Variants in EGFR observed in about 807,000 individuals in gnomAD.
EGFR encodes the protein epidermal growth factor receptor.
EGFR carries 58 observed loss-of-function variants against 143.0 expected under a neutral mutation model. The ratio of observed to expected loss-of-function variants is 0.41; its 90% CI spans 0.33 to 0.50. The LOEUF (loss-of-function observed/expected upper bound fraction) is 0.50, where lower values mean the gene tolerates loss of function less well. Among genes scored for constraint, EGFR ranks in the 20% least tolerant of loss-of-function variants. The pLI is 0.39. For synonymous variants in EGFR, 613 were observed against 594.4 expected, an observed-to-expected ratio of 1.03 and a Z score of -0.45; for missense variants, 1,307 against 1,579.0, an observed-to-expected ratio of 0.83 and a Z score of 2.92.
chr7:55,151,673 A>G (rs1212565586), intron 5 of EGFR, among the ~76,000 whole-genome samples: 3 of 152,278 alleles, frequency 2.0e-5, no homozygotes, highest in Admixed American at 6.5e-5. Context: ...CAGGAGATCG[A>G]GCCATTCTGG....
intron 22 of EGFR, among the ~76,000 whole-genome samples, chr7:55,196,450 A>T (rs915890866): frequency 3.9e-5 from 6 of 152,056 alleles, no homozygotes; most frequent in African/African-American, 1.2e-4. Flanking sequence ...GCTTGCAAAA[A>T]TGTTCACCCA....
intron 17 of EGFR, among the ~76,000 whole-genome samples, chr7:55,173,590 G>A (rs565887160): frequency 6.6e-6 from 1 of 152,350 alleles, no homozygotes; most frequent in South Asian, 2.1e-4. Flanking sequence ...CGTGTGATGT[G>A]CCCCAACCAA....
At chr7:55,101,927 T>C (rs925952401) in intron 1 of EGFR, among the ~76,000 whole-genome samples, 2 of 152,196 alleles carry the variant, frequency 1.3e-5, no homozygotes, top group African/African-American at 4.8e-5. Flanking sequence ...CCCAGAAGCC[T>C]TGGATCACGT....
chr7:55,103,259 G>T (rs1274577115), intron 1 of EGFR, among the ~76,000 whole-genome samples: 5 of 152,204 alleles, frequency 3.3e-5, no homozygotes, highest in Non-Finnish European at 5.9e-5. Flanking sequence ...AAGCCCTTCA[G>T]TGTGTGTCCT....
intron 1 of EGFR, among the ~76,000 whole-genome samples, chr7:55,035,227 C>T (rs555012978): frequency 7.2e-5 from 11 of 152,214 alleles, no homozygotes; most frequent in Admixed American, 3.3e-4. Flanking sequence ...GTTGTACATT[C>T]CCTAGGTAAT....
intron 1 of EGFR, among the ~76,000 whole-genome samples, chr7:55,054,368 T>C (rs1263588977): frequency 6.6e-6 from 1 of 152,190 alleles, no homozygotes; most frequent in Non-Finnish European, 1.5e-5. Flanking sequence ...CTGGAAAACA[T>C]CACTTGAAGC....
chr7:55,167,110 ATGGTGTCAG>A (rs1267530547), intron 15 of EGFR, among the ~76,000 whole-genome samples: 7 of 133,730 alleles, frequency 5.2e-5, no homozygotes, highest in African/African-American at 2.1e-4. Context: ...GGGAGTCACA[ATGGTGTCAG>A]TGTTGATGGT....
At chr7:55,185,577 C>A (rs1395312999) in intron 20 of EGFR, among the ~76,000 whole-genome samples, 1 of 152,262 alleles carries the variant, frequency 6.6e-6, no homozygotes, top group Non-Finnish European at 1.5e-5. Flanking sequence ...CAACTCATCT[C>A]ACATTCTTCC....
intron 22 of EGFR, among the ~76,000 whole-genome samples, chr7:55,193,321 G>A (rs1469731151): frequency 1.3e-5 from 2 of 152,196 alleles, no homozygotes; most frequent in Non-Finnish European, 2.9e-5. Flanking sequence ...GATAAAAGAA[G>A]AAAGGGAGAT....
chr7:55,022,611 G>A (rs1428113325), intron 1 of EGFR, among the ~76,000 whole-genome samples: 1 of 152,200 alleles, frequency 6.6e-6, no homozygotes, highest in African/African-American at 2.4e-5. Flanking sequence ...AGGTTGAAGG[G>A]GGGGTGAGTT....
chr7:55,131,351 CT>C (rs140062028), intron 1 of EGFR, among the ~76,000 whole-genome samples: 4,416 of 151,268 alleles, frequency 0.029, 87 homozygotes, highest in Middle Eastern at 0.055. Context: ...CTGCATCGTT[CT>C]GCTGACAACA....
intron 7 of EGFR, 134 bp downstream of exon 7, chr7:55,154,286 T>C (rs1025893341): frequency 7.2e-7 from 1 of 1,395,452 alleles, no homozygotes; most frequent in Non-Finnish European, 9.9e-7. Flanking sequence ...GAGGCGACCC[T>C]GTGCCCGTCC....
At chr7:55,061,649 T>TGTGTGTGAGAGAGA (rs1432070752) in intron 1 of EGFR, among the ~76,000 whole-genome samples, 117 of 132,808 alleles carry the variant, frequency 8.8e-4, no homozygotes, top group African/African-American at 1.8e-3. Context: ...TGTGTGTGTG[T>TGTGTGTGAGAGAGA]GAGAGAGAGA....
At chr7:55,036,277 G>T (rs897045124) in intron 1 of EGFR, among the ~76,000 whole-genome samples, 9 of 93,714 alleles carry the variant, frequency 9.6e-5, no homozygotes, top group African/African-American at 3.1e-4. Context: ...TGTGTGGGGG[G>T]GGGGGGGTGG....
chr7:55,134,051 A>G (rs998328553), intron 1 of EGFR, among the ~76,000 whole-genome samples: 8 of 152,210 alleles, frequency 5.3e-5, no homozygotes, highest in Non-Finnish European at 1.0e-4. Context: ...GCTCACTGCT[A>G]TCTATCCTCT....
At chr7:55,123,082 A>G (rs185157338) in intron 1 of EGFR, among the ~76,000 whole-genome samples, 2 of 152,360 alleles carry the variant, frequency 1.3e-5, no homozygotes, top group East Asian at 3.9e-4. Context: ...AATCAACAAG[A>G]CTAGGTCAGG....
chr7:55,184,114 C>T (rs940805), intron 20 of EGFR, among the ~76,000 whole-genome samples: 18,269 of 152,288 alleles, frequency 0.12, 1,344 homozygotes, highest in Non-Finnish European at 0.17. Flanking sequence ...GGCCTGTCTG[C>T]GCCTCGTCTC....
intron 1 of EGFR, among the ~76,000 whole-genome samples, chr7:55,043,020 C>T (rs1476731835): frequency 6.6e-6 from 1 of 152,114 alleles, no homozygotes; most frequent in East Asian, 1.9e-4. Context: ...CCACCTCTTT[C>T]AAATCGGATG....
chr7:55,166,594 A>ATGG (rs1485940505), intron 15 of EGFR, among the ~76,000 whole-genome samples: 1 of 140,880 alleles, frequency 7.1e-6, no homozygotes, highest in Non-Finnish European at 1.6e-5. Context: ...GGGAGTCACA[A>ATGG]TGGTGGTGTT....
Sources: allele counts gnomAD v4.1 joint callset (sites outside exome capture counted in the v4.1 genomes callset), GRCh38; gene constraint gnomAD v4.1.1; transcripts MANE v1.5; gene names NCBI Gene and HGNC (gene_info 2026-07-23, HGNC 2026-07-21).